SDK1: variants seen among roughly 807,000 people sequenced by gnomAD.
The protein encoded by SDK1 is sidekick cell adhesion molecule 1, also known as protein sidekick-1.
SDK1 carries 157 observed loss-of-function variants against 245.5 expected under a neutral mutation model. The ratio of observed to expected loss-of-function variants is 0.64; its 90% CI spans 0.56 to 0.73. SDK1 has a LOEUF of 0.73. Ranked by LOEUF, SDK1 falls within the 30% of genes least tolerant of loss-of-function variation. The pLI is 0.00. For synonymous variants in SDK1, 1,647 were observed against 1,278.5 expected (o/e 1.29, Z -6.15); for missense variants, 3,583 against 3,002.3 (o/e 1.19, Z -4.52).
At chr7:3,891,675 A>T (rs1207299242) in intron 5 of SDK1, among the ~76,000 whole-genome samples, 3 of 152,110 alleles carry the variant, frequency 2.0e-5, no homozygotes, top group African/African-American at 4.8e-5. Flanking sequence ...CTCTTTCTCT[A>T]GGCCATTTTG....
chr7:4,011,221 C>T, intron 15 of SDK1, 108 bp downstream of exon 15: 1 of 1,378,674 alleles, frequency 7.3e-7, no homozygotes, highest in Non-Finnish European at 9.8e-7. Flanking sequence ...CCGCTGGCTT[C>T]CCTCAGGGAG....
intron 32 of SDK1, among the ~76,000 whole-genome samples, chr7:4,167,960 G>A (rs148649281): frequency 3.9e-5 from 6 of 152,330 alleles, no homozygotes; most frequent in South Asian, 2.1e-4. Context: ...CCATGGAGCC[G>A]CCCTGCTGAT....
intron 5 of SDK1, among the ~76,000 whole-genome samples, chr7:3,922,486 C>T (rs912580550): frequency 2.0e-5 from 3 of 152,234 alleles, no homozygotes; most frequent in Admixed American, 2.0e-4. Context: ...TGGAACAAAA[C>T]TCTCTGACTC....
rs114885611 is a variant in SDK1 at position 3,752,109 on chromosome 7, T to G, written c.714-69341T>G. Among the ~76,000 whole-genome samples, 813 of 152,328 alleles carry G rather than the reference T, an allele frequency of 5.3e-3. 8 individuals are homozygous for G. The highest frequency in any genetic ancestry group is 0.018 in the African/African-American group (746 of 41,580). ...AACACTTTCTAAGTTACTGCCTGTA[T>G]TATTGAACGTATATTGCACTTTTCG... On this transcript the variant is annotated intron_variant, in intron 4 of 44. Coordinates refer to ENST00000404826, the MANE Select transcript of SDK1 (RefSeq NM_152744.4).
At chr7:3,959,445 A>T (rs912126346) in intron 8 of SDK1, among the ~76,000 whole-genome samples, 1 of 152,174 alleles carries the variant, frequency 6.6e-6, no homozygotes, top group Non-Finnish European at 1.5e-5. Flanking sequence ...TATTTGTAGT[A>T]GGTACGTGAG....
At chr7:3,558,774 TCAG>T (rs772435460) in intron 1 of SDK1, among the ~76,000 whole-genome samples, 6 of 152,242 alleles carry the variant, frequency 3.9e-5, no homozygotes, top group South Asian at 4.1e-4. Context: ...GTTTTTTAAT[TCAG>T]CAGAATTTTT....
chr7:3,590,483 A>G (rs1178087784), intron 1 of SDK1, among the ~76,000 whole-genome samples: 3 of 152,212 alleles, frequency 2.0e-5, no homozygotes, highest in East Asian at 3.8e-4. Context: ...TGACGATTTA[A>G]GATATTTCAT....
chr7:4,093,236 A>C (rs1781918539), intron 22 of SDK1, among the ~76,000 whole-genome samples: 1 of 152,134 alleles, frequency 6.6e-6, no homozygotes, highest in Middle Eastern at 3.2e-3. Flanking sequence ...GCACCATAAA[A>C]GGGAGAATGC....
At chr7:3,430,261 C>G (rs1164601355) in intron 1 of SDK1, among the ~76,000 whole-genome samples, 1 of 152,104 alleles carries the variant, frequency 6.6e-6, no homozygotes, top group South Asian at 2.1e-4. Context: ...GGTGCAGTTT[C>G]TCTGACCATA....
At chr7:3,789,878 C>A (rs551768778) in intron 4 of SDK1, among the ~76,000 whole-genome samples, 1 of 151,060 alleles carries the variant, frequency 6.6e-6, no homozygotes, top group African/African-American at 2.4e-5. Context: ...AGTTTACCCG[C>A]GCACCCTGGA....
At chr7:3,376,459 C>T (rs1275331727) in intron 1 of SDK1, among the ~76,000 whole-genome samples, 4 of 152,094 alleles carry the variant, frequency 2.6e-5, no homozygotes, top group South Asian at 2.1e-4. Context: ...TAAGAAGACT[C>T]TATAAATGGG....
At chr7:3,777,323 C>T (rs60985616) in intron 4 of SDK1, among the ~76,000 whole-genome samples, 4,189 of 152,278 alleles carry the variant, frequency 0.028, 190 homozygotes, top group African/African-American at 0.098. Flanking sequence ...ATAGATATTC[C>T]TAAGCCTTTT....
At chr7:3,480,449 C>T (rs1026807923) in intron 1 of SDK1, among the ~76,000 whole-genome samples, 6 of 125,036 alleles carry the variant, frequency 4.8e-5, no homozygotes, top group African/African-American at 9.0e-5. Flanking sequence ...GAAGAACTTC[C>T]GTGTTCCAGA....
intron 10 of SDK1, 110 bp downstream of exon 10, chr7:3,967,544 A>G (rs1019096960): frequency 2.8e-6 from 2 of 712,904 alleles, no homozygotes; most frequent in East Asian, 5.1e-5. Context: ...GCATTCACTC[A>G]ATGAAGATTA....
intron 4 of SDK1, among the ~76,000 whole-genome samples, chr7:3,680,532 G>C (rs1784067961): frequency 6.6e-6 from 1 of 152,162 alleles, no homozygotes. Context: ...TGCAGGTTTT[G>C]ATATTGTACC....
chr7:3,720,409 T>C (rs1281020172), intron 4 of SDK1, among the ~76,000 whole-genome samples: 1 of 152,054 alleles, frequency 6.6e-6, no homozygotes, highest in Non-Finnish European at 1.5e-5. Flanking sequence ...TATCAGAAAA[T>C]GTGCAAAATA....
intron 35 of SDK1, among the ~76,000 whole-genome samples, chr7:4,184,677 T>C (rs1223182856): frequency 3.3e-5 from 5 of 152,228 alleles, no homozygotes; most frequent in African/African-American, 1.2e-4. Context: ...TTAGCTGAGA[T>C]TGATGCACAA....
intron 4 of SDK1, among the ~76,000 whole-genome samples, chr7:3,804,969 C>G (rs946476873): frequency 6.6e-6 from 1 of 152,028 alleles, no homozygotes; most frequent in Non-Finnish European, 1.5e-5. Context: ...GGCATGGTGA[C>G]TATAGTTAAC....
intron 19 of SDK1, among the ~76,000 whole-genome samples, chr7:4,060,500 C>G (rs959486854): frequency 6.6e-6 from 1 of 151,784 alleles, no homozygotes; most frequent in African/African-American, 2.4e-5. Flanking sequence ...TTGTTTTTTT[C>G]TTGTAAATTT....
Sources: allele counts gnomAD v4.1 joint callset (sites outside exome capture counted in the v4.1 genomes callset), GRCh38; gene constraint gnomAD v4.1.1; transcripts MANE v1.5; gene names NCBI Gene and HGNC (gene_info 2026-07-23, HGNC 2026-07-21).